ARHGAP8: variants seen among roughly 807,000 people sequenced by gnomAD.
ARHGAP8 encodes the protein Rho GTPase activating protein 8.
Under a neutral mutation model 46.1 loss-of-function variants are expected in ARHGAP8, and 62 were observed. The ratio of observed to expected loss-of-function variants is 1.34; its 90% confidence interval spans 1.10 to 1.66. ARHGAP8 has a LOEUF of 1.66. Ranked by LOEUF, ARHGAP8 falls within the 40% of genes most tolerant of loss-of-function variation. The pLI is 0.00. For synonymous variants in ARHGAP8, 375 were observed against 243.1 expected (o/e 1.54, Z -5.05); for missense variants, 923 against 568.4 (o/e 1.62, Z -6.34).
At chr22:44,858,652 T>G (rs2070317257) in intron 10 of ARHGAP8, among the ~76,000 whole-genome samples, 1 of 150,018 alleles carries the variant, frequency 6.7e-6, no homozygotes, top group Admixed American at 6.7e-5. Context: ...ATTACAGGCA[T>G]GAGCCACTGT....
intron 1 of ARHGAP8, chr22:44,765,179 C>T (rs994985793): frequency 2.6e-5 from 4 of 152,312 alleles, no homozygotes; most frequent in Non-Finnish European, 5.9e-5. Flanking sequence ...TTGCATGTGA[C>T]AGGGAAGAGG....
rs140176412 is a variant in ARHGAP8, at chr22:44,757,874, G to A, written c.-72+5247G>A. ...TCACCATGTTGGCCAGGCTAGTTTCGAACTCCTGACCTCAAGTGATCTGCC... is the reference window on the plus strand; with the variant it reads ...TCACCATGTTGGCCAGGCTAGTTTCAAACTCCTGACCTCAAGTGATCTGCC... On this transcript the variant is annotated intron_variant, in intron 1 of 11. Transcript: ENST00000356099. Among the ~76,000 whole-genome samples, 139 of 146,596 alleles carry A rather than the reference G, an allele frequency of 9.5e-4. 1 individual carries two copies. Among genetic ancestry groups the A allele is most frequent in the African/African-American group, 3.3e-3 (130 of 39,470 alleles).
At chr22:44,763,967 C>T (rs147770333) in intron 1 of ARHGAP8, among the ~76,000 whole-genome samples, 309 of 152,058 alleles carry the variant, frequency 2.0e-3, no homozygotes, top group African/African-American at 6.9e-3. Context: ...CCCGCCACCA[C>T]GCCTGGCTAA....
chr22:44,859,905 C>A, intron 11 of ARHGAP8, 71 bp downstream of exon 11: 2 of 1,527,668 alleles, frequency 1.3e-6, no homozygotes, highest in Admixed American at 1.8e-5. Flanking sequence ...CCGCATGGAC[C>A]AGTCCCCTCC....
chr22:44,792,258 C>T (rs1053226303), intron 2 of ARHGAP8, among the ~76,000 whole-genome samples: 1 of 152,122 alleles, frequency 6.6e-6, no homozygotes, highest in African/African-American at 2.4e-5. Context: ...GATCCACCTG[C>T]CTCGGCCTCC....
At chr22:44,753,883 C>G (rs867350951) in intron 1 of ARHGAP8, among the ~76,000 whole-genome samples, 58 of 152,220 alleles carry the variant, frequency 3.8e-4, no homozygotes, top group African/African-American at 1.3e-3. Context: ...CAGCTGAGAA[C>G]TCAATGCTTA....
At chr22:44,806,307 G>GA (rs1390949650) in intron 3 of ARHGAP8, among the ~76,000 whole-genome samples, 4 of 152,192 alleles carry the variant, frequency 2.6e-5, no homozygotes, top group Non-Finnish European at 4.4e-5. Context: ...CAGCACTCTG[G>GA]AAAATGAGTT....
Position 44,847,977 on chromosome 22 carries a change from G to C in ARHGAP8, c.675G>C (p.Leu225=). 2 of 1,607,388 alleles carry C rather than the reference G, an allele frequency of 1.2e-6. No individual in the cohort carries two copies. Among genetic ancestry groups the C allele is most frequent in the Middle Eastern group, 1.6e-4 (1 of 6,062 alleles). ...FTVTYLREKG[L]RTEGLFRRSA... ...CTGGAAGCTCCTCTCCTGCAGGCCT[G>C]CGCACCGAGGGCCTGTTCCGGAGAT... is the stretch of plus-strand genomic sequence containing the variant. The change falls in exon 9 of 12, where the codon CTG becomes CTC. Residue 225 remains leucine, a synonymous_variant. Coordinates refer to ENST00000356099, the MANE Select transcript of ARHGAP8 (RefSeq NM_181335.3).
intron 1 of ARHGAP8, among the ~76,000 whole-genome samples, chr22:44,762,209 G>A (rs1925179940): frequency 6.6e-6 from 1 of 152,218 alleles, no homozygotes; most frequent in Non-Finnish European, 1.5e-5. Flanking sequence ...AGGCTGAGAT[G>A]GGAGGATCAC....
chr22:44,753,778 A>G (rs1924447369), intron 1 of ARHGAP8, among the ~76,000 whole-genome samples: 1 of 152,168 alleles, frequency 6.6e-6, no homozygotes, highest in Admixed American at 6.5e-5. Flanking sequence ...CACCTTGGCC[A>G]CCGACTTCAG....
chr22:44,776,701 A>C (rs1326983742), intron 1 of ARHGAP8, among the ~76,000 whole-genome samples: 1 of 151,970 alleles, frequency 6.6e-6, no homozygotes, highest in Middle Eastern at 3.2e-3. Flanking sequence ...AGCACTGGGC[A>C]CTCCGGGAGG....
intron 10 of ARHGAP8, chr22:44,849,283 G>C (rs1227389443): frequency 1.3e-6 from 1 of 788,614 alleles, no homozygotes; most frequent in Non-Finnish European, 1.9e-6. Context: ...GGTCGGTCAG[G>C]GTTGTCCAGG....
chr22:44,781,954 C>T lies in ARHGAP8; in HGVS notation c.-71-4503C>T, dbSNP rs542931569. ...GGCTCAGTCGATCCTCCCACCTCAG[C>T]CTCCTGAGTAGATGGGATTACAGGC... On this transcript the variant is annotated intron_variant, in intron 1 of 11. Transcript: ENST00000356099. Among the ~76,000 whole-genome samples the T allele has an allele frequency of 6.6e-5, 10 of 152,364 alleles. No individual in the cohort carries two copies. In the South Asian group the frequency reaches 1.7e-3, roughly 25 times the overall value.
chr22:44,856,254 C>CTTTTTTTTTTTTTTT (rs557242169), intron 10 of ARHGAP8, among the ~76,000 whole-genome samples: 2 of 86,824 alleles, frequency 2.3e-5, no homozygotes, highest in African/African-American at 4.9e-5. Flanking sequence ...TATAAATTCC[C>CTTTTTTTTTTTTTTT]TTTTTTTTTT....
intron 1 of ARHGAP8, among the ~76,000 whole-genome samples, chr22:44,755,570 A>T (rs1924601384): frequency 6.6e-6 from 1 of 152,174 alleles, no homozygotes; most frequent in African/African-American, 2.4e-5. Flanking sequence ...TAGCTGCAGG[A>T]GAGCGCGCTG....
At chr22:44,768,668 C>T (rs147799763) in intron 1 of ARHGAP8, among the ~76,000 whole-genome samples, 1 of 151,910 alleles carries the variant, frequency 6.6e-6, no homozygotes, top group Admixed American at 6.6e-5. Context: ...ACATTAGCAC[C>T]GAAGGCTTAA....
intron 1 of ARHGAP8, among the ~76,000 whole-genome samples, chr22:44,774,539 T>TTTTA (rs1926276771): frequency 6.6e-6 from 1 of 150,412 alleles, no homozygotes. Context: ...TTTTTTTTTT[T>TTTTA]GAGATGGAGT....
chr22:44,762,329 G>A (rs575745616), intron 1 of ARHGAP8, among the ~76,000 whole-genome samples: 18 of 152,118 alleles, frequency 1.2e-4, no homozygotes, highest in African/African-American at 4.1e-4. Context: ...TCAGCTACTC[G>A]GGAGGCTGAG....
Position 44,862,347 on chromosome 22 carries a change from T to C in ARHGAP8, c.1054T>C (p.Trp352Arg). Residue 352 changes from tryptophan to arginine, a missense_variant, in exon 12 of 12, where the codon TGG becomes CGG. Coordinates refer to ENST00000356099, the MANE Select transcript of ARHGAP8 (RefSeq NM_181335.3). ...CTGTGTCTTCGGGCTGAATTTGATC[T>C]GGCCATCCCAGGGGGTCTCCTCCCT... ...LACVFGLNLI[W>R]PSQGVSSLSA... is the part of the protein sequence containing the mutation. 6.2e-6 allele frequency: 10 copies of C among 1,614,098 alleles called. No homozygotes were observed. Among genetic ancestry groups the C allele is most frequent in the Non-Finnish European group, 8.5e-6 (10 of 1,179,968 alleles).
Sources: allele counts gnomAD v4.1 joint callset (sites outside exome capture counted in the v4.1 genomes callset), GRCh38; gene constraint gnomAD v4.1.1; transcripts MANE v1.5; gene names NCBI Gene and HGNC (gene_info 2026-07-23, HGNC 2026-07-21).